Variants in ADCY2 observed in about 807,000 individuals in gnomAD.
The protein encoded by ADCY2 is adenylate cyclase type 2.
ADCY2 carries 31 observed loss-of-function variants against 125.2 expected under a neutral mutation model. The ratio of observed to expected loss-of-function variants is 0.25; its 90% confidence interval spans 0.19 to 0.33. The LOEUF is 0.33. Ranked by LOEUF, ADCY2 falls within the 10% of genes least tolerant of loss-of-function variation. ADCY2 has a pLI of 1.00. For synonymous variants in ADCY2, 512 were observed against 548.4 expected (o/e 0.93, Z 0.93); for missense variants, 904 against 1,418.2 (o/e 0.64, Z 5.82).
intron 2 of ADCY2, among the ~76,000 whole-genome samples, chr5:7,508,320 C>A (rs761150745): frequency 1.7e-4 from 26 of 152,176 alleles, no homozygotes; most frequent in Admixed American, 5.2e-4. Context: ...AGCCCCAAAT[C>A]TCAGTGGCTA....
intron 4 of ADCY2, among the ~76,000 whole-genome samples, chr5:7,638,283 A>G (rs1441939533): frequency 6.6e-6 from 1 of 152,224 alleles, no homozygotes; most frequent in African/African-American, 2.4e-5. Context: ...AACCAGTAGC[A>G]TAGAATAAAA....
intron 3 of ADCY2, among the ~76,000 whole-genome samples, chr5:7,539,338 A>G (rs906363234): frequency 2.0e-5 from 3 of 150,938 alleles, no homozygotes; most frequent in Admixed American, 1.3e-4. Context: ...TCAAAGGACT[A>G]CCAAAATGCA....
rs561359357 is a variant in ADCY2, at chr5:7,699,081, A to ATTTTTTTTTTTTTT, written c.1109+728_1109+741dup. 3.2e-4 allele frequency among the ~76,000 whole-genome samples: 12 copies of ATTTTTTTTTTTTTT among 37,968 alleles called. 2 individuals carry two copies. The highest frequency in any genetic ancestry group is 4.7e-4 in the Non-Finnish European group (10 of 21,470). The allele number at this position is 37,968 out of a possible 152,430, so 24.9% of individuals were successfully genotyped here. Reference sequence around the variant, plus strand: ...CCTGAGTCAGGAAACAACAGTAAGCATTTTTTTTTTTTTTTTTTTTTTTTT... The same window carrying ATTTTTTTTTTTTTT: ...CCTGAGTCAGGAAACAACAGTAAGCATTTTTTTTTTTTTTTTTTTTTTTTTTTTTTTTTTTTTTT... On this transcript the variant is annotated intron_variant, in intron 7 of 24. Coordinates refer to ENST00000338316, the MANE Select transcript of ADCY2 (RefSeq NM_020546.3).
intron 5 of ADCY2, among the ~76,000 whole-genome samples, 157 bp from the exon 6 acceptor site, chr5:7,695,595 A>G (rs144532126): frequency 9.4e-4 from 143 of 152,376 alleles, no homozygotes; most frequent in African/African-American, 3.4e-3. Flanking sequence ...GTTCAAAAAA[A>G]TGTTTATATA....
At chr5:7,435,804 G>C (rs1380202464) in intron 2 of ADCY2, among the ~76,000 whole-genome samples, 1 of 152,214 alleles carries the variant, frequency 6.6e-6, no homozygotes, top group Non-Finnish European at 1.5e-5. Flanking sequence ...TTTAACATCA[G>C]ACTTGGGCAT....
At chr5:7,459,724 T>A (rs1012558079) in intron 2 of ADCY2, among the ~76,000 whole-genome samples, 8 of 145,428 alleles carry the variant, frequency 5.5e-5, no homozygotes, top group Non-Finnish European at 9.0e-5. Context: ...TAGCAACATA[T>A]AACCTTAATA....
At chr5:7,501,242 A>G (rs1743557131) in intron 2 of ADCY2, among the ~76,000 whole-genome samples, 1 of 152,120 alleles carries the variant, frequency 6.6e-6, no homozygotes, top group Non-Finnish European at 1.5e-5. Flanking sequence ...CATATGAAGC[A>G]AGAGGAATAC....
intron 2 of ADCY2, among the ~76,000 whole-genome samples, chr5:7,488,369 C>T (rs1409874264): frequency 6.6e-6 from 1 of 152,168 alleles, no homozygotes; most frequent in East Asian, 1.9e-4. Flanking sequence ...ATTACCCAGT[C>T]TTGGGTATGT....
chr5:7,643,595 C>A (rs1738786334), intron 4 of ADCY2, among the ~76,000 whole-genome samples: 1 of 151,120 alleles, frequency 6.6e-6, no homozygotes, highest in Non-Finnish European at 1.5e-5. Context: ...AACACCTTAA[C>A]AATATTTTGG....
intron 2 of ADCY2, among the ~76,000 whole-genome samples, chr5:7,451,271 T>C (rs2126420127): frequency 6.6e-6 from 1 of 152,334 alleles, no homozygotes; most frequent in African/African-American, 2.4e-5. Context: ...ATATTCATGT[T>C]CATGGGAGGA....
At chr5:7,398,544 A>C (rs1739145041) in intron 1 of ADCY2, among the ~76,000 whole-genome samples, 1 of 152,224 alleles carries the variant, frequency 6.6e-6, no homozygotes, top group African/African-American at 2.4e-5. Flanking sequence ...TTAAGCACAA[A>C]GTGGGCATTT....
At chr5:7,690,918 A>C in intron 5 of ADCY2, 79 bp downstream of exon 5, 91 of 1,381,022 alleles carry the variant, frequency 6.6e-5, no homozygotes, top group Non-Finnish European at 8.2e-5. Context: ...CTCACACCTC[A>C]TATCACCATC....
intron 22 of ADCY2, among the ~76,000 whole-genome samples, chr5:7,810,915 A>G (rs1744921337): frequency 6.6e-6 from 1 of 152,226 alleles, no homozygotes; most frequent in African/African-American, 2.4e-5. Flanking sequence ...CTTAACAAGT[A>G]TGTAAATAGT....
chr5:7,749,963 T>C (rs1354943416), intron 15 of ADCY2, among the ~76,000 whole-genome samples: 1 of 152,176 alleles, frequency 6.6e-6, no homozygotes, highest in Non-Finnish European at 1.5e-5. Flanking sequence ...ATTTGCCTGG[T>C]GTTCCTTGTT....
intron 5 of ADCY2, among the ~76,000 whole-genome samples, chr5:7,694,722 C>T (rs1740832722): frequency 6.6e-6 from 1 of 152,206 alleles, no homozygotes; most frequent in African/African-American, 2.4e-5. Context: ...GTTGTGAATA[C>T]TACAGCTATG....
At chr5:7,473,616 T>C (rs1742419144) in intron 2 of ADCY2, among the ~76,000 whole-genome samples, 1 of 152,102 alleles carries the variant, frequency 6.6e-6, no homozygotes. Flanking sequence ...TTCTCCCAGG[T>C]GTAGTAGATC....
chr5:7,404,624 ACACAT>A, intron 1 of ADCY2, among the ~76,000 whole-genome samples: 1 of 152,350 alleles, frequency 6.6e-6, no homozygotes, highest in East Asian at 1.9e-4. Context: ...CATGGAAGTG[ACACAT>A]CACTTTCATT....
chr5:7,699,204 TCTCCTGCCTCAGC>T (rs1407663484), intron 7 of ADCY2, among the ~76,000 whole-genome samples: 2 of 137,610 alleles, frequency 1.5e-5, no homozygotes, highest in African/African-American at 5.3e-5. Flanking sequence ...TTCACGCCAT[TCTCCTGCCTCAGC>T]CTCCCAAGTA....
rs74967501 is a variant in ADCY2, at chr5:7,660,379, C to T, written c.721-30312C>T. On this transcript the variant is annotated intron_variant, in intron 4 of 24. Transcript: ENST00000338316. ...CTCTGAAGAATGAGAGAGGCATGGGCAGGACAGGGTTGTTGACTCTGATTT... is the reference window on the plus strand; with the variant it reads ...CTCTGAAGAATGAGAGAGGCATGGGTAGGACAGGGTTGTTGACTCTGATTT... 7.8e-4 allele frequency among the ~76,000 whole-genome samples: 118 copies of T among 152,122 alleles called. 1 individual carries two copies. The East Asian group carries it at 0.02, about 25-fold the overall frequency.
Sources: gnomAD v4.1 joint callset for allele counts (sites outside exome capture counted in the v4.1 genomes callset) on GRCh38, gnomAD v4.1.1 for gene constraint, MANE v1.5 for transcripts, NCBI Gene and HGNC (gene_info 2026-07-23, HGNC 2026-07-21) for gene names.